SPEN: variants seen among roughly 807,000 people sequenced by gnomAD.
SPEN encodes msx2-interacting protein.
A neutral mutation model predicts 269.9 loss-of-function variants in SPEN; 18 were observed. That is an observed-to-expected ratio of 0.07 (90% confidence interval 0.05 to 0.10). SPEN has a LOEUF of 0.10. SPEN is among the 10% of genes least tolerant of loss of function. SPEN has a pLI of 1.00. For synonymous variants in SPEN, 1,726 were observed against 1,765.7 expected (o/e 0.98, Z 0.56); for missense variants, 3,822 against 4,631.2 (o/e 0.83, Z 5.07).
At chr1:15,867,074 A>G (rs1455107302) in intron 1 of SPEN, among the ~76,000 whole-genome samples, 1 of 152,192 alleles carries the variant, frequency 6.6e-6, no homozygotes, top group Non-Finnish European at 1.5e-5. Context: ...CGCAACCATT[A>G]TCACTATCTA....
In SPEN at chr1:15,932,447, T is replaced by C. The variant is rs761065251; in HGVS notation, c.6207T>C (p.Pro2069=). ...PVEVVEKKPA[P]EKNSKSKRGR... ...AAGTTGTAGAGAAAAAACCGGCCCC[T>C]GAAAAAAACTCCAAATCAAAGAGAG... is the stretch of plus-strand genomic sequence containing the variant. The change falls in exon 11 of 15, where the codon CCT becomes CCC. Residue 2069 remains proline (P), a synonymous_variant. Coordinates refer to ENST00000375759, the MANE Select transcript of SPEN (RefSeq NM_015001.3). The surrounding 1 kb of genome is among the most constrained non-coding windows in gnomAD (Gnocchi z 4.2). The C allele has an allele frequency of 1.2e-6, 2 of 1,612,478 alleles. No individual in the cohort carries two copies. The highest frequency in any genetic ancestry group is 8.5e-7 in the Non-Finnish European group (1 of 1,179,562).
At chr1:15,860,607 G>A (rs567104483) in intron 1 of SPEN, among the ~76,000 whole-genome samples, 1 of 150,784 alleles carries the variant, frequency 6.6e-6, no homozygotes, top group South Asian at 2.1e-4. Context: ...GGCTATTAGT[G>A]ACTTTTTTTT....
At chr1:15,874,431 T>A in intron 2 of SPEN, 2 of 1,305,044 alleles carry the variant, frequency 1.5e-6, no homozygotes, top group South Asian at 2.5e-5. Flanking sequence ...TTAGCCCCTC[T>A]CCTAACCCAA....
chr1:15,911,038 G>A, intron 4 of SPEN, 63 bp from the exon 5 acceptor site: 3 of 1,341,526 alleles, frequency 2.2e-6, no homozygotes, highest in African/African-American at 1.5e-5. Context: ...GATTTAGTAG[G>A]TTGCTTATTT....
chr1:15,870,377 C>CT (rs35485446), intron 1 of SPEN, among the ~76,000 whole-genome samples: 1 of 152,106 alleles, frequency 6.6e-6, no homozygotes, highest in East Asian at 1.9e-4. Flanking sequence ...TCTATAATAA[C>CT]TTTTTCTCCC....
At position 15,940,256 on chromosome 1, in the gene SPEN, G is replaced by A; in HGVS notation, c.*829G>A. ...CACTCATTTGTATAAGTGCGCTTCGGTACAGCACGGGTCCTGCTCCCGCGA... is the reference window on the plus strand; with the variant it reads ...CACTCATTTGTATAAGTGCGCTTCGATACAGCACGGGTCCTGCTCCCGCGA... On this transcript the variant is annotated 3_prime_UTR_variant, in exon 15 of 15. Transcript: ENST00000375759. 4.3e-6 allele frequency: 1 copy of A among 233,064 alleles called. No homozygotes were observed. Among genetic ancestry groups the A allele is most frequent in the South Asian group, 1.8e-4 (1 of 5,504 alleles). 14.4% of individuals were successfully genotyped at this position (233,064 alleles called of 1,614,324 possible). A position where few individuals can be genotyped will look rare whatever the true frequency, so the allele number is the denominator to read the frequency against.
chr1:15,925,579 A>G (rs1241904246), intron 10 of SPEN, among the ~76,000 whole-genome samples: 2 of 151,702 alleles, frequency 1.3e-5, no homozygotes, highest in African/African-American at 4.8e-5. Flanking sequence ...TTACTACTTA[A>G]TAAATTTTTA....
chr1:15,854,041 T>G (rs1335241417), intron 1 of SPEN, among the ~76,000 whole-genome samples: 1 of 152,086 alleles, frequency 6.6e-6, no homozygotes, highest in African/African-American at 2.4e-5. Flanking sequence ...CCTCGAGTGA[T>G]CTGCCTGCCT....
intron 3 of SPEN, among the ~76,000 whole-genome samples, chr1:15,877,979 A>T (rs1485615292): frequency 1.3e-5 from 2 of 152,030 alleles, no homozygotes; most frequent in East Asian, 3.9e-4. Flanking sequence ...TCCTGACCTC[A>T]GGTGATTCAC....
chr1:15,931,184 A>G lies in SPEN; in HGVS notation c.4944A>G (p.Glu1648=), dbSNP rs1041559071. ...GPPSVTVVTL[E]SAPSALEKTT... ...CAAGTGTCACAGTCGTAACTCTAGA[A>G]TCAGCCCCATCAGCACTAGAGAAGA... Residue 1648 remains glutamate, a synonymous_variant, in exon 11 of 15, where the codon GAA becomes GAG. Transcript: ENST00000375759. This position sits in a 1 kb window ranked among gnomAD's most constrained non-coding sequence, Gnocchi z 4.8. 7 of 1,614,200 alleles carry G rather than the reference A, an allele frequency of 4.3e-6. No individual in the cohort carries two copies. The highest frequency in any genetic ancestry group is 5.9e-6 in the Non-Finnish European group (7 of 1,180,032).
rs2071097507 is a variant in SPEN, at chr1:15,919,578, C to G, written c.1635+61C>G. The G allele has an allele frequency of 5.9e-6, 6 of 1,017,714 alleles. No homozygotes were observed. The South Asian group carries it at 8.7e-5, about 15-fold the overall frequency. The allele number at this position is 1,017,714 out of a possible 1,614,324, so 63.0% of individuals were successfully genotyped here. A position where few individuals can be genotyped will look rare whatever the true frequency, so the allele number is the denominator to read the frequency against. On this transcript the variant is annotated intron_variant, in intron 8 of 14. Transcript: ENST00000375759. ...TGACTCACTCGTCTTGGTATTCTCTCCTTTCAGTCTCAGTTGGCTAGCATT... is the reference window on the plus strand; with the variant it reads ...TGACTCACTCGTCTTGGTATTCTCTGCTTTCAGTCTCAGTTGGCTAGCATT...
At chr1:15,871,509 T>C (rs2070574790) in intron 1 of SPEN, among the ~76,000 whole-genome samples, 2 of 151,094 alleles carry the variant, frequency 1.3e-5, no homozygotes, top group South Asian at 4.2e-4. Flanking sequence ...CCCAGCTAAT[T>C]TTTTTGGATT....
chr1:15,935,382 A>G lies in SPEN; in HGVS notation c.9142A>G (p.Thr3048Ala). 7 of 1,613,858 alleles carry G rather than the reference A, an allele frequency of 4.3e-6. No individual in the cohort carries two copies. Among genetic ancestry groups the G allele is most frequent in the Non-Finnish European group, 5.1e-6 (6 of 1,179,952 alleles). Reference sequence around the variant, plus strand: ...AAGCCACCCCAGCAGTACTGCATCTACGGCGCTCTCCACCAACGCCACAGT... The same window carrying G: ...AAGCCACCCCAGCAGTACTGCATCTGCGGCGCTCTCCACCAACGCCACAGT... ...RASHPSSTAS[T>A]ALSTNATVML... Residue 3048 changes from threonine to alanine, a missense_variant, in exon 11 of 15, where the codon ACG becomes GCG. Coordinates refer to ENST00000375759, the MANE Select transcript of SPEN (RefSeq NM_015001.3). This position sits in a 1 kb window ranked among gnomAD's most constrained non-coding sequence, Gnocchi z 7.7.
At chr1:15,873,405 C>G in intron 2 of SPEN, 1 of 1,162,394 alleles carries the variant, frequency 8.6e-7, no homozygotes, top group South Asian at 3.5e-5. Flanking sequence ...AGTTACCTGT[C>G]TTCTAGAATT....
In SPEN at chr1:15,930,265, C is replaced by G. The variant is rs889438835; in HGVS notation, c.4025C>G (p.Ser1342Cys). 2 of 1,614,180 alleles carry G rather than the reference C, an allele frequency of 1.2e-6. No individual in the cohort carries two copies. ...NSEDELNRWD[S>C]QMKQDAGRFD... Reference sequence around the variant, plus strand: ...GAAGATGAACTAAATCGTTGGGACTCTCAGATGAAACAGGATGCTGGCAGA... The same window carrying G: ...GAAGATGAACTAAATCGTTGGGACTGTCAGATGAAACAGGATGCTGGCAGA... The change falls in exon 11 of 15, where the codon TCT becomes TGT. Residue 1342 changes from serine to cysteine, a missense_variant. By Grantham distance (112) the Ser-to-Cys change is moderately radical. Transcript: ENST00000375759. The surrounding 1 kb of genome is among the most constrained non-coding windows in gnomAD (Gnocchi z 5.3).
At chr1:15,869,728 C>T (rs151337372) in intron 1 of SPEN, among the ~76,000 whole-genome samples, 240 of 152,210 alleles carry the variant, frequency 1.6e-3, no homozygotes, top group African/African-American at 4.7e-3. Context: ...ACTGGGATTA[C>T]AGGTGTGTGC....
In SPEN at chr1:15,938,746, C is replaced by T; in HGVS notation, c.10733C>T (p.Ala3578Val). The T allele has an allele frequency of 6.2e-7, 1 of 1,613,908 alleles. No individual in the cohort carries two copies. Among genetic ancestry groups the T allele is most frequent in the Non-Finnish European group, 8.5e-7 (1 of 1,179,996 alleles). ...GAGACAGATTACTGTCTGCTGCTGG[C>T]TCTGCCCTGTGGCCGTGACCAAGAG... ...TVETDYCLLL[A>V]LPCGRDQEDV... The change falls in exon 14 of 15, where the codon GCT becomes GTT. Residue 3578 changes from alanine to valine, a missense_variant. This residue lies in a region of SPEN where 103 missense variants were observed against 215.8 expected (regional missense o/e 0.48). Transcript: ENST00000375759.
At chr1:15,926,134 G>A (rs1416176895) in intron 10 of SPEN, among the ~76,000 whole-genome samples, 1 of 152,166 alleles carries the variant, frequency 6.6e-6, no homozygotes, top group Non-Finnish European at 1.5e-5. Flanking sequence ...AGTGGCTCAT[G>A]CCTGTAATCC....
chr1:15,935,424 A>G lies in SPEN; in HGVS notation c.9184A>G (p.Ile3062Val). 6.2e-7 allele frequency: 1 copy of G among 1,614,038 alleles called. No individual in the cohort carries two copies. Among genetic ancestry groups the G allele is most frequent in the Non-Finnish European group, 8.5e-7 (1 of 1,180,006 alleles). Reference protein sequence around the residue: ...TNATVMLAAGIPVPQFISSIH... With the variant: ...TNATVMLAAGVPVPQFISSIH... ...CGCCACAGTCATGCTGGCTGCAGGC[A>G]TCCCAGTGCCCCAGTTCATCTCCAG... Residue 3062 changes from isoleucine (I) to valine (V), a missense_variant, in exon 11 of 15, where the codon ATC (isoleucine) becomes GTC (valine). Physicochemically the swap from Ile to Val is conservative, Grantham distance 29. Transcript: ENST00000375759. This position sits in a 1 kb window ranked among gnomAD's most constrained non-coding sequence, Gnocchi z 7.7.
Sources: allele counts gnomAD v4.1 joint callset (sites outside exome capture counted in the v4.1 genomes callset), GRCh38; gene constraint gnomAD v4.1.1; regional missense constraint gnomAD v4.1.1; non-coding constraint Gnocchi (gnomAD v3.1); transcripts MANE v1.5; gene names NCBI Gene and HGNC (gene_info 2026-07-23, HGNC 2026-07-21).